The following RSPH14 variants were observed in gnomAD, a reference collection of about 807,000 sequenced individuals.
RSPH14 encodes rhabdoid tumor deletion region gene 1.
Under a neutral mutation model 26.7 loss-of-function variants are expected in RSPH14, and 20 were observed. The observed-to-expected ratio is 0.75, with a 90% confidence interval of 0.53 to 1.09. The LOEUF is 1.09. RSPH14 is among the 50% of genes least tolerant of loss of function. The probability of loss-of-function intolerance (pLI) is 0.00; values close to 1 mark genes in which losing one functional copy is unlikely to be tolerated. For missense variants in RSPH14, 449 were observed against 457.2 expected (o/e 0.98, Z 0.16); for synonymous variants, 177 against 189.3 (o/e 0.93, Z 0.53).
chr22:23,061,982 G>C, intron 5 of RSPH14, 37 bp from the exon 6 acceptor site: 14 of 1,611,974 alleles, frequency 8.7e-6, no homozygotes, highest in Non-Finnish European at 1.2e-5. Context: ...GCTCTGCTTG[G>C]AAGGGAGAAG....
chr22:23,146,255 C>T (rs1438922933), upstream of RSPH14, among the ~76,000 whole-genome samples: 4 of 152,250 alleles, frequency 2.6e-5, no homozygotes, highest in Non-Finnish European at 5.9e-5. Context: ...ATCACCCAGG[C>T]TGGAGTGCAG....
intron 6 of RSPH14, among the ~76,000 whole-genome samples, chr22:23,061,373 T>A (rs2068088918): frequency 6.6e-6 from 1 of 152,004 alleles, no homozygotes; most frequent in Admixed American, 6.5e-5. Context: ...GGGAGATAAT[T>A]CTGAATTTGC....
At chr22:23,161,647 A>G in the RSPH14 span, 2 of 1,240,032 alleles carry the variant, frequency 1.6e-6, no homozygotes, top group South Asian at 2.7e-5. Context: ...ACTGGAGCCC[A>G]AGCTCTGCAG....
chr22:23,096,097 C>A, intron 4 of RSPH14: 1 of 1,610,324 alleles, frequency 6.2e-7, no homozygotes, highest in Non-Finnish European at 8.5e-7. Flanking sequence ...TCTGGGCCGA[C>A]CCAGGGGCAC....
At position 23,140,275 on chromosome 22, in the gene RSPH14, G is replaced by A. The variant is rs765020944; in HGVS notation, c.146C>T (p.Ala49Val). The A allele has an allele frequency of 1.2e-6, 2 of 1,614,178 alleles. No homozygotes were observed. Among genetic ancestry groups the A allele is most frequent in the South Asian group, 2.2e-5 (2 of 91,076 alleles). ...DLQTRQKALM[A>V]LCDLMHDPEC... ...GGGGTCATGCATGAGGTCACACAAG[G>A]CCATGAGGGCTTTCTGCCTCGTCTG... Residue 49 changes from alanine (A) to valine (V), a missense_variant, in exon 2 of 7, where the codon GCC becomes GTC. Physicochemically the swap from Ala to Val is moderately conservative, Grantham distance 64 (BLOSUM62 0). Transcript: ENST00000216036.
chr22:23,085,235 G>T (rs1446667045), intron 4 of RSPH14, among the ~76,000 whole-genome samples: 4 of 152,144 alleles, frequency 2.6e-5, no homozygotes, highest in South Asian at 4.1e-4. Context: ...TTTTCTCTGT[G>T]TCCTCTTCTC....
At chr22:23,165,305 G>A in the RSPH14 span, among the ~76,000 whole-genome samples, 6,492 of 152,266 alleles carry the variant, frequency 0.043, 474 homozygotes, top group African/African-American at 0.15. Context: ...CCTGCCTGGG[G>A]AACAATCCTG....
chr22:23,099,533 A>G (rs1444242060), intron 4 of RSPH14, among the ~76,000 whole-genome samples: 1 of 152,252 alleles, frequency 6.6e-6, no homozygotes, highest in Non-Finnish European at 1.5e-5. Context: ...CCTGTGGGGC[A>G]GCAGCGCCTG....
At chr22:23,108,316 A>G (rs1202305924) in intron 4 of RSPH14, among the ~76,000 whole-genome samples, 1 of 152,262 alleles carries the variant, frequency 6.6e-6, no homozygotes, top group East Asian at 1.9e-4. Flanking sequence ...AACAGGGGCC[A>G]ATGGTGCTAA....
chr22:23,088,344 T>C (rs2068872022), intron 4 of RSPH14, among the ~76,000 whole-genome samples: 1 of 152,092 alleles, frequency 6.6e-6, no homozygotes, highest in Non-Finnish European at 1.5e-5. Context: ...CCCACATCCT[T>C]GTGTGAGGAA....
intron 4 of RSPH14, among the ~76,000 whole-genome samples, chr22:23,090,186 G>A (rs1438659749): frequency 6.6e-6 from 1 of 152,022 alleles, no homozygotes; most frequent in African/African-American, 2.4e-5. Context: ...ACAGCTGACA[G>A]TCCCCCTTTC....
upstream of RSPH14, chr22:23,145,272 G>A (rs907157788): frequency 4.4e-5 from 13 of 295,004 alleles, no homozygotes; most frequent in Non-Finnish European, 6.3e-5. Context: ...ATCCAGCACC[G>A]CCCTTGTTGT....
the RSPH14 span, among the ~76,000 whole-genome samples, chr22:23,168,987 C>T: frequency 7.9e-5 from 12 of 152,312 alleles, no homozygotes; most frequent in South Asian, 2.1e-3. Flanking sequence ...TCTTCGGGAA[C>T]GAGCTCATCT....
Position 23,071,226 on chromosome 22 carries a change from G to A in RSPH14, c.422-7093C>T, listed in dbSNP as rs1463628452. ...AAAGGCGGTGGGGGTGTTTGGGGGA[G>A]GGGAGTGAGGGCCTCAGGGCTGGCG... On this transcript the variant is annotated intron_variant, in intron 4 of 6. Transcript: ENST00000216036. This position sits in a 1 kb window ranked among gnomAD's most constrained non-coding sequence, Gnocchi z 4.1. Among the ~76,000 whole-genome samples the A allele has an allele frequency of 2.6e-5, 4 of 152,140 alleles. No individual in the cohort carries two copies. Among genetic ancestry groups the A allele is most frequent in the Admixed American group, 6.5e-5 (1 of 15,284 alleles).
chr22:23,148,183 G>A (rs2070909051), upstream of RSPH14, among the ~76,000 whole-genome samples: 1 of 152,064 alleles, frequency 6.6e-6, no homozygotes, highest in Non-Finnish European at 1.5e-5. Flanking sequence ...TCCTCCCTAA[G>A]TTCCTTCTTC....
At chr22:23,086,854 C>A (rs1009322255) in intron 4 of RSPH14, among the ~76,000 whole-genome samples, 1 of 152,232 alleles carries the variant, frequency 6.6e-6, no homozygotes, top group African/African-American at 2.4e-5. Flanking sequence ...CAAAGGACAC[C>A]TGGCTCCTCA....
the RSPH14 span, chr22:23,153,532 A>G: frequency 2.0e-6 from 2 of 980,954 alleles, no homozygotes; most frequent in Non-Finnish European, 2.4e-6. Flanking sequence ...CACCTGTAAA[A>G]TGGGGTCAAA....
chr22:23,154,743 CCA>C, the RSPH14 span, among the ~76,000 whole-genome samples: 1 of 152,168 alleles, frequency 6.6e-6, no homozygotes, highest in Non-Finnish European at 1.5e-5. Flanking sequence ...AGCTCCTCCC[CCA>C]GAGTCTTCAG....
At chr22:23,123,091 G>A in intron 4 of RSPH14, 2 of 1,609,468 alleles carry the variant, frequency 1.2e-6, no homozygotes, top group Non-Finnish European at 1.7e-6. Flanking sequence ...CCCCAGAGTC[G>A]GATGGCAGAG....
Sources: allele counts gnomAD v4.1 joint callset (sites outside exome capture counted in the v4.1 genomes callset), GRCh38; gene constraint gnomAD v4.1.1; non-coding constraint Gnocchi (gnomAD v3.1); transcripts MANE v1.5; gene names NCBI Gene and HGNC (gene_info 2026-07-23, HGNC 2026-07-21).